The following ITGB1 variants were observed in gnomAD, a reference collection of about 807,000 sequenced individuals.
The protein encoded by ITGB1 is integrin beta-1.
Under a neutral mutation model 86.5 loss-of-function variants are expected in ITGB1, and 24 were observed. That is an observed-to-expected ratio of 0.28 (90% confidence interval 0.20 to 0.39). The LOEUF is 0.39. Ranked by LOEUF, ITGB1 falls within the 10% of genes least tolerant of loss-of-function variation. The pLI is 1.00. For synonymous variants in ITGB1, 323 were observed against 316.8 expected, an observed-to-expected ratio of 1.02 and a Z score of -0.21; for missense variants, 556 against 946.9, an observed-to-expected ratio of 0.59 and a Z score of 5.42.
intron 15 of ITGB1, chr10:32,906,623 A>C (rs2094897190): frequency 5.6e-6 from 1 of 177,048 alleles, no homozygotes; most frequent in African/African-American, 2.4e-5. Flanking sequence ...AAAGAACAAA[A>C]GATAATAGGA....
intron 1 of ITGB1, chr10:32,957,754 C>G (rs878858542): frequency 4.6e-5 from 7 of 152,220 alleles, no homozygotes; most frequent in Non-Finnish European, 1.0e-4. Flanking sequence ...CTCGCTGGCT[C>G]CCACCTGCGC....
At chr10:32,937,326 G>A (rs181446077) in intron 1 of ITGB1, among the ~76,000 whole-genome samples, 11 of 152,250 alleles carry the variant, frequency 7.2e-5, no homozygotes, top group African/African-American at 2.4e-4. Context: ...GGGAGACCAA[G>A]GCGGGTGGAT....
chr10:32,905,840 T>G (rs1336916926), intron 15 of ITGB1, among the ~76,000 whole-genome samples: 1 of 152,200 alleles, frequency 6.6e-6, no homozygotes, highest in Admixed American at 6.5e-5. Flanking sequence ...GCAGAAATCT[T>G]CCAGGCCCTA....
chr10:32,940,343 C>CAA (rs35732606), intron 1 of ITGB1, among the ~76,000 whole-genome samples: 9 of 108,970 alleles, frequency 8.3e-5, no homozygotes, highest in Non-Finnish European at 1.2e-4. Context: ...GACTCCATCT[C>CAA]AAAAAAAAAA....
chr10:32,914,188 T>C (rs920585650), intron 11 of ITGB1, among the ~76,000 whole-genome samples: 11 of 152,222 alleles, frequency 7.2e-5, no homozygotes, highest in South Asian at 2.1e-4. Flanking sequence ...AAGGAACAAC[T>C]GGTACCAGCC....
At chr10:32,915,006 G>C (rs2094927115) in intron 11 of ITGB1, among the ~76,000 whole-genome samples, 1 of 152,182 alleles carries the variant, frequency 6.6e-6, no homozygotes, top group Admixed American at 6.5e-5. Flanking sequence ...TCAAGATTAA[G>C]AAACTCACTC....
chr10:32,929,932 A>G lies in ITGB1; in HGVS notation c.266T>C (p.Ile89Thr), dbSNP rs200363943. 229 of 1,578,336 alleles carry G rather than the reference A, an allele frequency of 1.5e-4. No homozygotes were observed. Among genetic ancestry groups the G allele is most frequent in the Non-Finnish European group, 1.8e-4 (207 of 1,147,536 alleles). Residue 89 changes from isoleucine (I) to threonine (T), a missense_variant, in exon 4 of 16, where the codon ATA (isoleucine) becomes ACA (threonine). Physicochemically the swap from Ile to Thr is moderately conservative, Grantham distance 89. This residue lies in a region of ITGB1 where 183 missense variants were observed against 263.9 expected (regional missense o/e 0.69). Transcript: ENST00000302278. Reference protein sequence around the residue: ...DIENPRGSKDIKKNKNVTNRS... With the variant: ...DIENPRGSKDTKKNKNVTNRS... ...GTTGGTTACATTTTTATTTTTCTTT[A>G]TATCTTTGGAGCCTCTGGGATTTTC... is the stretch of plus-strand genomic sequence containing the variant.
At chr10:32,909,158 G>C (rs1196771798) in intron 14 of ITGB1, among the ~76,000 whole-genome samples, 1 of 152,158 alleles carries the variant, frequency 6.6e-6, no homozygotes, top group Non-Finnish European at 1.5e-5. Flanking sequence ...AGACCATGTG[G>C]TATAGCTAAC....
At chr10:32,918,202 G>T (rs1283584808) in intron 11 of ITGB1, among the ~76,000 whole-genome samples, 1 of 152,100 alleles carries the variant, frequency 6.6e-6, no homozygotes, top group Non-Finnish European at 1.5e-5. Context: ...CATAAGGTGG[G>T]GGTAGGGGGC....
chr10:32,927,345 G>A (rs2094968135), intron 5 of ITGB1, among the ~76,000 whole-genome samples: 2 of 152,116 alleles, frequency 1.3e-5, no homozygotes, highest in South Asian at 4.1e-4. Flanking sequence ...AGGTTAAGCT[G>A]GGGATGCATG....
intron 6 of ITGB1, 50 bp downstream of exon 6, chr10:32,925,821 C>G (rs1418316401): frequency 9.1e-7 from 1 of 1,097,902 alleles, no homozygotes; most frequent in Admixed American, 1.8e-5. Context: ...ACTTAAAATT[C>G]ACACACATAA....
At chr10:32,918,351 AAGAAG>A (rs2094938513) in intron 11 of ITGB1, among the ~76,000 whole-genome samples, 1 of 133,824 alleles carries the variant, frequency 7.5e-6, no homozygotes, top group Non-Finnish European at 1.7e-5. Flanking sequence ...AATAAAAAAG[AAGAAG>A]AATCATCTTG....
In ITGB1 at chr10:32,911,991, G is replaced by A; in HGVS notation, c.1603C>T (p.Gln535Ter). The A allele has an allele frequency of 6.2e-7, 1 of 1,614,072 alleles. No individual in the cohort carries two copies. The highest frequency in any genetic ancestry group is 8.5e-7 in the Non-Finnish European group (1 of 1,179,986). The change falls in exon 12 of 16, where the codon CAG (glutamine) becomes TAG (stop). Residue 535 changes from glutamine to a stop codon, truncating the protein, a stop_gained. Transcript: ENST00000302278. LOFTEE classifies it high-confidence loss of function. Reference sequence around the variant, plus strand: ...TTATCCCTCTTCCTACAAACACACTGTCCGCAGACGCACTCTCCATTGTTA... The same window carrying A: ...TTATCCCTCTTCCTACAAACACACTATCCGCAGACGCACTCTCCATTGTTA... Reference protein sequence around the residue: ...CSNNGECVCGQCVCRKRDNTN... With the variant: ...CSNNGECVCG
intron 11 of ITGB1, among the ~76,000 whole-genome samples, chr10:32,917,503 TCAAA>T (rs2094935688): frequency 6.6e-6 from 1 of 151,512 alleles, no homozygotes; most frequent in Non-Finnish European, 1.5e-5. Context: ...CAAGAAAAAA[TCAAA>T]CAACCCCACC....
intron 1 of ITGB1, among the ~76,000 whole-genome samples, chr10:32,950,247 C>T (rs531684749): frequency 4.2e-4 from 64 of 152,226 alleles, no homozygotes; most frequent in African/African-American, 1.4e-3. Context: ...AAGAAGAACA[C>T]AGAGCCAAAT....
At position 32,902,938 on chromosome 10, in the gene ITGB1, T is replaced by G. The variant is rs144543194; in HGVS notation, c.2332-1303A>C. Among the ~76,000 whole-genome samples, 891 of 152,246 alleles carry G rather than the reference T, an allele frequency of 5.9e-3. 8 individuals are homozygous for G. The highest frequency in any genetic ancestry group is 0.02 in the African/African-American group (849 of 41,542). ...ATTAACTTTAAGAAGATTAAGGAGATTTTCATTGTGAAATTGACTAGAAAA... is the reference window on the plus strand; with the variant it reads ...ATTAACTTTAAGAAGATTAAGGAGAGTTTCATTGTGAAATTGACTAGAAAA... On this transcript the variant is annotated intron_variant, in intron 15 of 15. Transcript: ENST00000302278.
chr10:32,917,517 C>A (rs1565822377), intron 11 of ITGB1, among the ~76,000 whole-genome samples: 1 of 152,032 alleles, frequency 6.6e-6, no homozygotes, highest in Non-Finnish European at 1.5e-5. Context: ...ACAACCCCAC[C>A]AAAAAGTGGG....
chr10:32,931,784 G>A (rs2094984174), intron 3 of ITGB1, among the ~76,000 whole-genome samples: 1 of 152,050 alleles, frequency 6.6e-6, no homozygotes, highest in Non-Finnish European at 1.5e-5. Flanking sequence ...TTGATCTTCT[G>A]ATATTAGTTA....
At chr10:32,938,652 G>A (rs1004246759) in intron 1 of ITGB1, among the ~76,000 whole-genome samples, 1 of 152,242 alleles carries the variant, frequency 6.6e-6, no homozygotes, top group African/African-American at 2.4e-5. Context: ...TTGAAGAACA[G>A]CTGAGAGAAC....
Sources: allele counts gnomAD v4.1 joint callset (sites outside exome capture counted in the v4.1 genomes callset), GRCh38; gene constraint gnomAD v4.1.1; regional missense constraint gnomAD v4.1.1; transcripts MANE v1.5; gene names NCBI Gene and HGNC (gene_info 2026-07-23, HGNC 2026-07-21).